SLC44A2: variants seen among roughly 807,000 people sequenced by gnomAD.
SLC44A2 encodes the protein solute carrier family 44 member 2 (CTL2 blood group).
SLC44A2 carries 57 observed loss-of-function variants against 90.8 expected under a neutral mutation model. That is an observed-to-expected ratio of 0.63 (90% CI 0.51 to 0.78). SLC44A2 has a LOEUF of 0.78. SLC44A2 is among the 30% of genes least tolerant of loss of function. The pLI, the probability that SLC44A2 is intolerant of heterozygous loss-of-function variation, is 0.00. For synonymous variants in SLC44A2, 355 were observed against 360.7 expected, an observed-to-expected ratio of 0.98 and a Z score of 0.18; for missense variants, 794 against 919.7, an observed-to-expected ratio of 0.86 and a Z score of 1.77.
intron 20 of SLC44A2, among the ~76,000 whole-genome samples, chr19:10,640,871 C>T (rs1455269553): frequency 6.6e-6 from 1 of 151,490 alleles, no homozygotes; most frequent in Admixed American, 6.6e-5. Context: ...GGATCATGAA[C>T]GTCAGGAGAT....
In SLC44A2 at chr19:10,631,507, C is replaced by T. The variant is rs767116646; in HGVS notation, c.474C>T (p.Cys158=). 1.2e-6 allele frequency: 2 copies of T among 1,614,022 alleles called. No individual in the cohort carries two copies. Among genetic ancestry groups the T allele is most frequent in the South Asian group, 1.1e-5 (1 of 91,086 alleles). ...GVAEVLQDGD[C]PAVLIPSKPL... is the part of the protein sequence containing the mutation. Reference sequence around the variant, plus strand: ...CTGAGGTGCTTCAAGATGGTGACTGCCCTGCTGTCCTCATCCCCAGCAAAC... The same window carrying T: ...CTGAGGTGCTTCAAGATGGTGACTGTCCTGCTGTCCTCATCCCCAGCAAAC... Residue 158 remains cysteine (C), a synonymous_variant, in exon 7 of 22, where the codon TGC becomes TGT. Coordinates refer to ENST00000335757, the MANE Select transcript of SLC44A2 (RefSeq NM_020428.4).
chr19:10,629,088 C>T (rs1427750827), intron 4 of SLC44A2, among the ~76,000 whole-genome samples: 2 of 150,724 alleles, frequency 1.3e-5, no homozygotes, highest in Non-Finnish European at 3.0e-5. Context: ...CCTGTAATCC[C>T]GGTTACTCAG....
intron 21 of SLC44A2, chr19:10,642,775 T>C: frequency 3.1e-6 from 4 of 1,276,048 alleles, no homozygotes; most frequent in South Asian, 3.1e-5. Flanking sequence ...TTTTTGTTTG[T>C]TTTTTTCTTC....
intron 16 of SLC44A2, chr19:10,637,413 T>C: frequency 3.7e-6 from 2 of 536,944 alleles, no homozygotes; most frequent in Non-Finnish European, 6.7e-6. Context: ...CTGGGATTGA[T>C]GGTACTTTGT....
intron 8 of SLC44A2, 28 bp downstream of exon 8, chr19:10,631,777 G>T (rs375851224): frequency 1.2e-6 from 2 of 1,614,074 alleles, no homozygotes; most frequent in Non-Finnish European, 8.5e-7. Flanking sequence ...CCGCGCCAGG[G>T]TCTCACTTTG....
At chr19:10,625,717 C>G in intron 1 of SLC44A2, 47 bp downstream of exon 1, 2 of 1,230,104 alleles carry the variant, frequency 1.6e-6, no homozygotes. Flanking sequence ...CCCTCGGTCC[C>G]TCGGAGGGGG....
upstream of SLC44A2, chr19:10,625,512 C>T: frequency 8.2e-7 from 1 of 1,225,052 alleles, no homozygotes; most frequent in Non-Finnish European, 1.0e-6. Context: ...GCCGCCCCGC[C>T]TGGCGCTGTG....
intron 1 of SLC44A2, among the ~76,000 whole-genome samples, chr19:10,604,212 C>T (rs1918036914): frequency 6.6e-6 from 1 of 152,144 alleles, no homozygotes. Flanking sequence ...AAGAACAAGA[C>T]GTCGTGTGAT....
At chr19:10,642,878 G>A (rs542171717) in intron 21 of SLC44A2, 1 of 1,571,952 alleles carries the variant, frequency 6.4e-7, no homozygotes, top group African/African-American at 1.3e-5. Context: ...CCCCCTGCCG[G>A]TTCCCGGGGG....
At chr19:10,633,325 G>A (rs574713023) in intron 10 of SLC44A2, among the ~76,000 whole-genome samples, 10 of 151,646 alleles carry the variant, frequency 6.6e-5, no homozygotes, top group East Asian at 3.9e-4. Flanking sequence ...CACCATGCCC[G>A]GCTAATTTTT....
chr19:10,637,027 G>GTGGT (rs1357261137), intron 16 of SLC44A2: 3 of 463,496 alleles, frequency 6.5e-6, no homozygotes, highest in African/African-American at 5.9e-5. Context: ...GTGAATTGGA[G>GTGGT]TGGTATATAT....
At chr19:10,636,083 T>C (rs2067051219) in intron 14 of SLC44A2, 1 of 529,322 alleles carries the variant, frequency 1.9e-6, no homozygotes, top group Admixed American at 3.7e-5. Context: ...GGCCCATTTT[T>C]CCCCATTTCA....
Position 10,643,728 on chromosome 19 carries a change from A to G in SLC44A2, c.*343A>G, listed in dbSNP as rs2067141845. The G allele has an allele frequency of 4.6e-6, 1 of 216,904 alleles. No individual in the cohort carries two copies. Among genetic ancestry groups the G allele is most frequent in the African/African-American group, 2.3e-5 (1 of 43,154 alleles). The allele number at this position is 216,904 out of a possible 1,614,324, so 13.4% of individuals were successfully genotyped here. The stretch of plus-strand genomic sequence containing the variant: ...CACGACAACGGGCCAGACCACAGGA[A>G]GGACGGTGTTTGTGTCTGAGGGAGC... On this transcript the variant is annotated 3_prime_UTR_variant, in exon 22 of 22. Coordinates refer to ENST00000335757, the MANE Select transcript of SLC44A2 (RefSeq NM_020428.4).
intron 13 of SLC44A2, 38 bp downstream of exon 13, chr19:10,635,293 T>C (rs1260459389): frequency 1.2e-6 from 2 of 1,612,526 alleles, no homozygotes; most frequent in Admixed American, 3.3e-5. Context: ...ACCCCAGGGA[T>C]GGCTAAAGAC....
intron 10 of SLC44A2, 114 bp from the exon 11 acceptor site, chr19:10,634,642 A>C: frequency 6.7e-7 from 1 of 1,497,536 alleles, no homozygotes; most frequent in Admixed American, 1.8e-5. Context: ...TGCAAGTGTA[A>C]AGTCCCTGAG....
intron 20 of SLC44A2, among the ~76,000 whole-genome samples, chr19:10,639,292 C>T (rs1369995635): frequency 6.6e-6 from 1 of 152,214 alleles, no homozygotes; most frequent in Non-Finnish European, 1.5e-5. Flanking sequence ...TGGAGGGCTT[C>T]CCTCTAAAGG....
Position 10,632,091 on chromosome 19 carries a change from T to G in SLC44A2, c.758T>G (p.Leu253Arg). Residue 253 changes from leucine (L) to arginine (R), a missense_variant, in exon 10 of 22, where the codon CTT (leucine) becomes CGT (arginine). This residue lies in a region of SLC44A2 where 738 missense variants were observed against 841.1 expected (regional missense o/e 0.88). Coordinates refer to ENST00000335757, the MANE Select transcript of SLC44A2 (RefSeq NM_020428.4). ...ATGAGCCTCCTGTTCATCATCCTGC[T>G]TCGCTTCCTGGCTGGTATTATGGTC... ...MAMSLLFIILLRFLAGIMVWV... is the reference protein window; with the variant it reads ...MAMSLLFIILRRFLAGIMVWV... 6.2e-7 allele frequency: 1 copy of G among 1,614,172 alleles called. No individual in the cohort carries two copies. Among genetic ancestry groups the G allele is most frequent in the Non-Finnish European group, 8.5e-7 (1 of 1,180,020 alleles).
In SLC44A2 at chr19:10,626,951, A is replaced by G. The variant is rs540938659; in HGVS notation, c.86+650A>G. ...CTTGAATCTGGGAGGTGGAGGTTGC[A>G]GTAAGCTGAGATTGCGCCACTGCAC... On this transcript the variant is annotated intron_variant, in intron 2 of 21. Transcript: ENST00000335757. Among the ~76,000 whole-genome samples, 3 of 146,476 alleles carry G rather than the reference A, an allele frequency of 2.0e-5. No individual in the cohort carries two copies. The East Asian group carries it at 6.9e-4, about 34-fold the overall frequency.
At chr19:10,608,166 T>G (rs1001687693) in intron 1 of SLC44A2, among the ~76,000 whole-genome samples, 1 of 149,380 alleles carries the variant, frequency 6.7e-6, no homozygotes, top group Non-Finnish European at 1.5e-5. Flanking sequence ...GAGGTTGTAG[T>G]GAGCCGAGAT....
Sources: allele counts gnomAD v4.1 joint callset (sites outside exome capture counted in the v4.1 genomes callset), GRCh38; gene constraint gnomAD v4.1.1; regional missense constraint gnomAD v4.1.1; transcripts MANE v1.5; gene names NCBI Gene and HGNC (gene_info 2026-07-23, HGNC 2026-07-21).